The following TUSC3 variants were observed in gnomAD, a reference collection of about 807,000 sequenced individuals.
TUSC3 encodes the protein dolichyl-diphosphooligosaccharide--protein glycosyltransferase subunit TUSC3.
Under a neutral mutation model 44.8 loss-of-function variants are expected in TUSC3, and 45 were observed. That is an observed-to-expected ratio of 1.00 (90% confidence interval 0.79 to 1.29). The LOEUF is 1.29. Ranked by LOEUF, TUSC3 falls within the 50% of genes most tolerant of loss-of-function variation. TUSC3 has a pLI of 0.00. For synonymous variants in TUSC3, 212 were observed against 152.9 expected (o/e 1.39, Z -2.85); for missense variants, 519 against 437.9 (o/e 1.19, Z -1.65).
chr8:15,614,083 T>C (rs903626119), intron 1 of TUSC3, among the ~76,000 whole-genome samples: 4 of 152,042 alleles, frequency 2.6e-5, no homozygotes, highest in African/African-American at 9.7e-5. Flanking sequence ...AAAATTATTT[T>C]TTTCTCCCCT....
intron 1 of TUSC3, among the ~76,000 whole-genome samples, chr8:15,563,074 T>G (rs1802537816): frequency 6.6e-6 from 1 of 152,084 alleles, no homozygotes; most frequent in Non-Finnish European, 1.5e-5. Flanking sequence ...GCCTGCACTT[T>G]TAGATTTTAT....
chr8:15,458,678 G>A (rs1351115378), intron 1 of TUSC3, among the ~76,000 whole-genome samples: 2 of 152,112 alleles, frequency 1.3e-5, no homozygotes, highest in African/African-American at 2.4e-5. Flanking sequence ...TTAAAAGTTC[G>A]AGTGCATGCT....
At chr8:15,454,213 C>T (rs115698206) in intron 1 of TUSC3, among the ~76,000 whole-genome samples, 3,511 of 152,252 alleles carry the variant, frequency 0.023, 155 homozygotes, top group African/African-American at 0.08. Context: ...AAACCACACA[C>T]TTGATCTCTC....
In TUSC3 at chr8:15,557,610, A is replaced by C. The variant is rs1183391949; in HGVS notation, c.138+17042A>C. 3.3e-4 allele frequency among the ~76,000 whole-genome samples: 34 copies of C among 103,430 alleles called. 1 individual carries two copies. Among genetic ancestry groups the C allele is most frequent in the African/African-American group, 1.0e-3 (33 of 32,168 alleles). The allele number at this position is 103,430 out of a possible 152,430, so 67.9% of individuals were successfully genotyped here. The stretch of plus-strand genomic sequence containing the variant: ...TACCTTGGGCAGTACGGCCATTTTC[A>C]TGATATTGATTCTTCCTACCCATGA... On this transcript the variant is annotated intron_variant, in intron 1 of 10. Coordinates refer to ENST00000503731, the MANE Select transcript of TUSC3 (RefSeq NM_006765.4).
At chr8:15,424,568 G>A (rs559032125) in intron 1 of TUSC3, among the ~76,000 whole-genome samples, 2 of 152,244 alleles carry the variant, frequency 1.3e-5, no homozygotes, top group African/African-American at 2.4e-5. Context: ...TGAGCCTTAC[G>A]GATGTTAAAG....
rs376984550 is a variant in TUSC3, at chr8:15,692,368, C to G, written c.798+18532C>G. Among the ~76,000 whole-genome samples, 24 of 101,480 alleles carry G rather than the reference C, an allele frequency of 2.4e-4. 2 individuals carry two copies. In the South Asian group the frequency reaches 4.6e-3, roughly 20 times the overall value. The allele number at this position is 101,480 out of a possible 152,430, so 66.6% of individuals were successfully genotyped here. A position where few individuals can be genotyped will look rare whatever the true frequency, so the allele number is the denominator to read the frequency against. ...GAGTTTGGGAGGAGACCCCCCCCCC[C>G]CCCTTTGTTTTTTTTTTTTTTTTTT... On this transcript the variant is annotated intron_variant, in intron 6 of 10. Transcript: ENST00000503731.
intron 1 of TUSC3, among the ~76,000 whole-genome samples, chr8:15,452,003 A>G (rs573202490): frequency 1.3e-5 from 2 of 152,246 alleles, no homozygotes; most frequent in East Asian, 1.9e-4. Flanking sequence ...AAGAGTGATG[A>G]TGTCTTACAA....
intron 2 of TUSC3, among the ~76,000 whole-genome samples, chr8:15,499,257 A>T (rs541541192): frequency 6.6e-6 from 1 of 152,202 alleles, no homozygotes; most frequent in Non-Finnish European, 1.5e-5. Flanking sequence ...TTTTATTTGC[A>T]TTTCTATGTT....
chr8:15,616,448 C>T (rs1804991075), intron 1 of TUSC3, among the ~76,000 whole-genome samples: 1 of 152,104 alleles, frequency 6.6e-6, no homozygotes, highest in Non-Finnish European at 1.5e-5. Context: ...CGTGGTGGCT[C>T]ACGCCTGTAA....
intron 2 of TUSC3, among the ~76,000 whole-genome samples, chr8:15,497,574 G>T (rs1414802042): frequency 6.6e-6 from 1 of 152,138 alleles, no homozygotes; most frequent in Non-Finnish European, 1.5e-5. Context: ...TAATTGAAGT[G>T]AGTTCTGGAG....
At chr8:15,487,622 T>G (rs1287728972) in intron 2 of TUSC3, among the ~76,000 whole-genome samples, 1 of 152,220 alleles carries the variant, frequency 6.6e-6, no homozygotes, top group Non-Finnish European at 1.5e-5. Context: ...TTTTAGATTC[T>G]CAATCTTTCT....
intron 1 of TUSC3, among the ~76,000 whole-genome samples, chr8:15,446,713 C>G (rs890657527): frequency 4.0e-5 from 4 of 100,852 alleles, no homozygotes; most frequent in East Asian, 3.1e-4. Context: ...AGAGGGAGAC[C>G]GTGGAAAGTG....
intron 4 of TUSC3, among the ~76,000 whole-genome samples, chr8:15,660,602 A>G (rs1173055655): frequency 6.6e-6 from 1 of 151,914 alleles, no homozygotes; most frequent in Non-Finnish European, 1.5e-5. Flanking sequence ...TTACTATAAG[A>G]TATAAACACA....
chr8:15,484,570 G>A (rs756797106), intron 2 of TUSC3, among the ~76,000 whole-genome samples: 24 of 152,116 alleles, frequency 1.6e-4, no homozygotes, highest in Admixed American at 7.2e-4. Flanking sequence ...TTCTCATTCC[G>A]GTGTAGGGCA....
chr8:15,737,343 A>G (rs1810979891), intron 7 of TUSC3, among the ~76,000 whole-genome samples: 1 of 152,160 alleles, frequency 6.6e-6, no homozygotes, highest in Non-Finnish European at 1.5e-5. Flanking sequence ...AACTTAGCAT[A>G]TGCAATTGAG....
At chr8:15,424,050 G>T (rs534587844) in intron 1 of TUSC3, among the ~76,000 whole-genome samples, 1 of 126,944 alleles carries the variant, frequency 7.9e-6, no homozygotes. Context: ...GAGTGCACTG[G>T]TGCTATCTTG....
At chr8:15,739,762 A>G (rs1034204577) in intron 7 of TUSC3, among the ~76,000 whole-genome samples, 97 of 152,360 alleles carry the variant, frequency 6.4e-4, no homozygotes, top group African/African-American at 2.2e-3. Context: ...AAACTGGGCT[A>G]GCAATTATGT....
intron 1 of TUSC3, 78 bp downstream of exon 1, chr8:15,540,646 T>A: frequency 6.9e-7 from 1 of 1,439,180 alleles, no homozygotes; most frequent in Non-Finnish European, 9.2e-7. Context: ...AGCCCTGCCG[T>A]GTTGCTAGGC....
the TUSC3 span, among the ~76,000 whole-genome samples, chr8:15,843,066 G>T: frequency 1.3e-5 from 2 of 152,144 alleles, no homozygotes; most frequent in Non-Finnish European, 2.9e-5. Flanking sequence ...GAAGAGGAGC[G>T]AGGGCTTTGA....
Sources: allele counts gnomAD v4.1 joint callset (sites outside exome capture counted in the v4.1 genomes callset), GRCh38; gene constraint gnomAD v4.1.1; transcripts MANE v1.5; gene names NCBI Gene and HGNC (gene_info 2026-07-23, HGNC 2026-07-21).